The following PHF21B variants were observed in gnomAD, a reference collection of about 807,000 sequenced individuals.
PHF21B encodes the protein PHD finger protein 4.
In PHF21B, 22 loss-of-function variants were observed where a neutral mutation model predicts 62.2. The observed-to-expected ratio is 0.35, with a 90% CI of 0.25 to 0.51. The LOEUF (loss-of-function observed/expected upper bound fraction) is 0.51. PHF21B is among the 20% of genes least tolerant of loss of function. PHF21B has a pLI of 0.97. For missense variants in PHF21B, 701 were observed against 707.9 expected, an observed-to-expected ratio of 0.99 and a Z score of 0.11; for synonymous variants, 341 against 314.7, an observed-to-expected ratio of 1.08 and a Z score of -0.88.
intron 2 of PHF21B, among the ~76,000 whole-genome samples, chr22:44,980,629 C>T (rs1319467919): frequency 2.6e-5 from 4 of 152,194 alleles, no homozygotes; most frequent in African/African-American, 7.2e-5. Flanking sequence ...AGGGCAGCTG[C>T]GAAGCTTCCA....
chr22:44,982,058 G>A (rs879322548), intron 2 of PHF21B, among the ~76,000 whole-genome samples: 23 of 152,346 alleles, frequency 1.5e-4, no homozygotes, highest in East Asian at 3.9e-4. Context: ...CCGAGGGAAC[G>A]GGGGTGTGGC....
At chr22:44,891,485 GA>G in intron 7 of PHF21B, 125 bp from the exon 8 acceptor site, 2 of 1,122,274 alleles carry the variant, frequency 1.8e-6, no homozygotes. Flanking sequence ...GCTCTGGCTG[GA>G]CACCCCCTGC....
Position 44,888,068 on chromosome 22 carries a change from C to T in PHF21B, c.1092G>A (p.Leu364=). ...HCAACKRGAN[L]QPCGTCPGAY... The stretch of plus-strand genomic sequence containing the variant: ...CCCCCGGGCAGGTGCCGCAGGGCTG[C>T]AGGTTGGCCCCTCGCTTGCAGGCGG... The change falls in exon 10 of 13, where the codon CTG becomes CTA. Residue 364 remains leucine (L), a synonymous_variant. Transcript: ENST00000313237. 1.3e-6 allele frequency: 2 copies of T among 1,549,504 alleles called. No homozygotes were observed. Among genetic ancestry groups the T allele is most frequent in the Non-Finnish European group, 8.7e-7 (1 of 1,147,060 alleles).
rs560381685 is a variant in PHF21B at position 44,907,647 on chromosome 22, C to T, written c.831+6175G>A. Among the ~76,000 whole-genome samples, 9 of 152,296 alleles carry T rather than the reference C, an allele frequency of 5.9e-5. No individual in the cohort carries two copies. In the East Asian group the frequency reaches 1.5e-3, roughly 26 times the overall value. On this transcript the variant is annotated intron_variant, in intron 5 of 12. Coordinates refer to ENST00000313237, the MANE Select transcript of PHF21B (RefSeq NM_138415.5). ...GTTCTGGCCTTGGTCACGGGAAGGG[C>T]GGAACACAGCTAAGAGATGAGCGTT...
chr22:44,889,633 G>A (rs972567985), intron 9 of PHF21B, 127 bp downstream of exon 9: 4 of 1,193,938 alleles, frequency 3.4e-6, no homozygotes, highest in East Asian at 5.6e-5. Context: ...AGCACCTAAA[G>A]GCAGAACCGA....
At chr22:44,908,711 G>A (rs2071294449) in intron 5 of PHF21B, among the ~76,000 whole-genome samples, 1 of 152,318 alleles carries the variant, frequency 6.6e-6, no homozygotes, top group African/African-American at 2.4e-5. Context: ...ACTGCTGTCC[G>A]GTTTCTAGGC....
chr22:44,980,541 C>G (rs1351529429), intron 2 of PHF21B, among the ~76,000 whole-genome samples: 1 of 152,146 alleles, frequency 6.6e-6, no homozygotes, highest in Non-Finnish European at 1.5e-5. Context: ...TGAAGGGGGT[C>G]TGGAGGAGCT....
intron 2 of PHF21B, among the ~76,000 whole-genome samples, chr22:44,948,786 C>T (rs1727398524): frequency 6.6e-6 from 1 of 152,106 alleles, no homozygotes; most frequent in Admixed American, 6.5e-5. Context: ...ACGTGGCAAT[C>T]TCAGGATATT....
intron 2 of PHF21B, among the ~76,000 whole-genome samples, chr22:44,954,744 G>C (rs554383320): frequency 5.7e-4 from 87 of 152,358 alleles, no homozygotes; most frequent in South Asian, 1.4e-3. Flanking sequence ...TGTGTTTGTA[G>C]AGACCGGGCT....
chr22:44,956,663 G>A (rs1480204872), intron 2 of PHF21B, among the ~76,000 whole-genome samples: 3 of 152,110 alleles, frequency 2.0e-5, no homozygotes, highest in Non-Finnish European at 4.4e-5. Flanking sequence ...AGCGACCCCA[G>A]GAGGTCTGAA....
At chr22:44,914,601 C>T (rs1270820752) in intron 4 of PHF21B, among the ~76,000 whole-genome samples, 1 of 152,224 alleles carries the variant, frequency 6.6e-6, no homozygotes, top group Non-Finnish European at 1.5e-5. Flanking sequence ...CTCCGTTTCT[C>T]CCTCCCCACA....
intron 2 of PHF21B, among the ~76,000 whole-genome samples, chr22:44,947,929 C>A (rs969963375): frequency 6.6e-6 from 1 of 151,996 alleles, no homozygotes; most frequent in Non-Finnish European, 1.5e-5. Context: ...CACACCCAGA[C>A]AATGACCGCT....
intron 8 of PHF21B, among the ~76,000 whole-genome samples, chr22:44,890,337 T>C (rs1220793587): frequency 1.3e-5 from 2 of 152,228 alleles, no homozygotes; most frequent in East Asian, 3.8e-4. Flanking sequence ...TAGTAAATGA[T>C]ACCAAACCAC....
Position 44,885,374 on chromosome 22 carries a change from C to T in PHF21B, c.1377+52G>A, listed in dbSNP as rs985566565. 21 of 1,498,712 alleles carry T rather than the reference C, an allele frequency of 1.4e-5. No homozygotes were observed. The Admixed American group carries it at 1.6e-4, about 11-fold the overall frequency. 92.8% of individuals were successfully genotyped at this position (1,498,712 alleles called of 1,614,324 possible). A position where few individuals can be genotyped will look rare whatever the true frequency, so the allele number is the denominator to read the frequency against. Reference sequence around the variant, plus strand: ...GACACATCTATCTGTCCCCTAGACCCGGGGCACACCTGCAGGGCTGAGGCC... The same window carrying T: ...GACACATCTATCTGTCCCCTAGACCTGGGGCACACCTGCAGGGCTGAGGCC... On this transcript the variant is annotated intron_variant, in intron 12 of 12. Transcript: ENST00000313237.
At chr22:44,921,804 G>A (rs1159244763) in intron 2 of PHF21B, among the ~76,000 whole-genome samples, 7 of 151,198 alleles carry the variant, frequency 4.6e-5, no homozygotes, top group Non-Finnish European at 7.4e-5. Context: ...GATTACAGGC[G>A]CCCGCCACCA....
intron 5 of PHF21B, among the ~76,000 whole-genome samples, chr22:44,908,791 CATGTATGTGTGT>C (rs1477242228): frequency 6.6e-6 from 1 of 152,180 alleles, no homozygotes; most frequent in Non-Finnish European, 1.5e-5. Context: ...TCTTGGTATG[CATGTATGTGTGT>C]ATGTATGTAC....
intron 2 of PHF21B, among the ~76,000 whole-genome samples, chr22:44,979,005 C>G (rs1032419624): frequency 8.5e-5 from 13 of 152,260 alleles, no homozygotes; most frequent in Non-Finnish European, 1.8e-4. Flanking sequence ...ACAACCACCC[C>G]CTGCAATGAA....
rs779234668 is a variant in PHF21B at position 44,882,953 on chromosome 22, C to T, written c.*133G>A. 8.9e-7 allele frequency: 1 copy of T among 1,126,072 alleles called. No individual in the cohort carries two copies. Among genetic ancestry groups the T allele is most frequent in the Non-Finnish European group, 1.3e-6 (1 of 798,358 alleles). 69.8% of individuals were successfully genotyped at this position (1,126,072 alleles called of 1,614,324 possible). A position where few individuals can be genotyped will look rare whatever the true frequency, so the allele number is the denominator to read the frequency against. Reference sequence around the variant, plus strand: ...CTAGGCCTCTCGCCCAGCTCTTCCTCCCTCCTCTCCTCTGTCTGGTTAATT... The same window carrying T: ...CTAGGCCTCTCGCCCAGCTCTTCCTTCCTCCTCTCCTCTGTCTGGTTAATT... On this transcript the variant is annotated 3_prime_UTR_variant, in exon 13 of 13. Transcript: ENST00000313237.
chr22:44,896,103 A>C lies in PHF21B; in HGVS notation c.832-20T>G, dbSNP rs1436451716. The C allele has an allele frequency of 6.2e-7, 1 of 1,613,920 alleles. No homozygotes were observed. The highest frequency in any genetic ancestry group is 1.3e-5 in the African/African-American group (1 of 74,922). On this transcript the variant is annotated intron_variant, in intron 5 of 12. Transcript: ENST00000313237. ...GATTTTCTGAGGGAAGGAACAGACA[A>C]AGGAGCATTAACACAACCGTCAAAG...
Sources: allele counts gnomAD v4.1 joint callset (sites outside exome capture counted in the v4.1 genomes callset), GRCh38; gene constraint gnomAD v4.1.1; transcripts MANE v1.5; gene names NCBI Gene and HGNC (gene_info 2026-07-23, HGNC 2026-07-21).